Variants in FUT9 observed in about 807,000 individuals in gnomAD.
FUT9 encodes 4-galactosyl-N-acetylglucosaminide 3-alpha-L-fucosyltransferase 9.
A neutral mutation model predicts 29.7 loss-of-function variants in FUT9; 15 were observed. The observed-to-expected ratio is 0.51, with a 90% CI of 0.34 to 0.78. The LOEUF (loss-of-function observed/expected upper bound fraction) is 0.78. FUT9 is among the 30% of genes least tolerant of loss of function. The pLI, the probability that FUT9 is intolerant of heterozygous loss-of-function variation, is 0.01. For synonymous variants in FUT9, 169 were observed against 153.7 expected, an observed-to-expected ratio of 1.10 and a Z score of -0.74; for missense variants, 319 against 425.4, an observed-to-expected ratio of 0.75 and a Z score of 2.20.
chr6:96,126,234 G>T (rs1207480363), intron 2 of FUT9, among the ~76,000 whole-genome samples: 2 of 152,182 alleles, frequency 1.3e-5, no homozygotes, highest in African/African-American at 4.8e-5. Flanking sequence ...CATGGCACCA[G>T]TATCTGCTCA....
intron 1 of FUT9, among the ~76,000 whole-genome samples, chr6:96,076,825 G>A (rs1413956612): frequency 6.6e-6 from 1 of 152,106 alleles, no homozygotes; most frequent in African/African-American, 2.4e-5. Context: ...CTGCTCGGCT[G>A]CAAATGTTGT....
At chr6:96,034,122 C>A (rs916501590) in intron 1 of FUT9, among the ~76,000 whole-genome samples, 1 of 151,586 alleles carries the variant, frequency 6.6e-6, no homozygotes, top group African/African-American at 2.4e-5. Flanking sequence ...GTATTCTCTT[C>A]TTATTTCCAT....
chr6:96,178,015 A>C (rs900265240), intron 2 of FUT9, among the ~76,000 whole-genome samples: 3 of 152,148 alleles, frequency 2.0e-5, no homozygotes, highest in African/African-American at 7.2e-5. Flanking sequence ...TCTTAAAAGG[A>C]CTAAAAGAGC....
In FUT9 at chr6:96,027,551, C is replaced by G. The variant is rs146210075; in HGVS notation, c.-98+11339C>G. Among the ~76,000 whole-genome samples, 1,208 of 151,570 alleles carry G rather than the reference C, an allele frequency of 8.0e-3. 21 individuals are homozygous for G. The highest frequency in any genetic ancestry group is 0.028 in the African/African-American group (1,159 of 41,398). ...TGTTGTTATCGCCAGTGCTGCCAAC[C>G]CTGAAATCTGGTGTACTTCTCCCCT... On this transcript the variant is annotated intron_variant, in intron 1 of 2. Coordinates refer to ENST00000302103, the MANE Select transcript of FUT9 (RefSeq NM_006581.4).
At chr6:96,085,893 A>G (rs145490076) in intron 1 of FUT9, among the ~76,000 whole-genome samples, 69 of 152,294 alleles carry the variant, frequency 4.5e-4, no homozygotes, top group African/African-American at 1.6e-3. Flanking sequence ...CAGCTTTCCA[A>G]CTGACACAAA....
intron 2 of FUT9, among the ~76,000 whole-genome samples, chr6:96,125,130 G>C (rs1014692127): frequency 6.6e-6 from 1 of 152,158 alleles, no homozygotes; most frequent in Non-Finnish European, 1.5e-5. Flanking sequence ...TACATGGGAT[G>C]GTAATGATGA....
rs188841972 is a variant in FUT9 at position 96,062,611 on chromosome 6, T to G, written c.-98+46399T>G. 3.0e-3 allele frequency among the ~76,000 whole-genome samples: 456 copies of G among 152,142 alleles called. 1 individual carries two copies. The highest frequency in any genetic ancestry group is 0.01 in the African/African-American group (426 of 41,520). On this transcript the variant is annotated intron_variant, in intron 1 of 2. Transcript: ENST00000302103. ...GATAGATAAATAGATATATAGATAA[T>G]AGGAAGGGAGGGAGGATAGGATGGA...
intron 2 of FUT9, among the ~76,000 whole-genome samples, chr6:96,197,417 A>G (rs73757750): frequency 0.027 from 3,850 of 143,194 alleles, 164 homozygotes; most frequent in African/African-American, 0.092. Context: ...ATAGCATTCC[A>G]GAGATCAACC....
chr6:96,053,582 A>G (rs7774040), intron 1 of FUT9, among the ~76,000 whole-genome samples: 87,255 of 151,170 alleles, frequency 0.58, 25,270 homozygotes, highest in South Asian at 0.63. Context: ...GGTGGCAAGC[A>G]CCTATAGTCC....
chr6:96,086,189 C>T (rs1342809404), intron 1 of FUT9, among the ~76,000 whole-genome samples: 1 of 152,184 alleles, frequency 6.6e-6, no homozygotes, highest in African/African-American at 2.4e-5. Context: ...ATAAATGTAC[C>T]TGTCTACACA....
chr6:96,066,734 A>G (rs928258881), intron 1 of FUT9, among the ~76,000 whole-genome samples: 18 of 152,112 alleles, frequency 1.2e-4, no homozygotes, highest in African/African-American at 3.6e-4. Flanking sequence ...TCATACAAAT[A>G]TATGTACTTT....
In FUT9 at chr6:96,126,258, T is replaced by C. The variant is rs148512692; in HGVS notation, c.-9+12131T>C. On this transcript the variant is annotated intron_variant, in intron 2 of 2. Transcript: ENST00000302103. The stretch of plus-strand genomic sequence containing the variant: ...AGTATCTGCTCAGCTTCTGGTGAGG[T>C]CTCAGGAAGCTTTTATTCATGGAGG... Among the ~76,000 whole-genome samples the C allele has an allele frequency of 9.5e-4, 144 of 152,184 alleles. 1 individual carries two copies. The highest frequency in any genetic ancestry group is 3.4e-3 in the African/African-American group (141 of 41,522).
intron 2 of FUT9, among the ~76,000 whole-genome samples, chr6:96,159,782 T>C (rs1772863091): frequency 1.3e-5 from 2 of 152,172 alleles, no homozygotes. Flanking sequence ...ATATGTCTCA[T>C]ATCAACAGGA....
chr6:96,155,152 T>A (rs1449023594), intron 2 of FUT9, among the ~76,000 whole-genome samples: 7 of 152,218 alleles, frequency 4.6e-5, no homozygotes, highest in Non-Finnish European at 1.0e-4. Flanking sequence ...TTTTTTTGAA[T>A]GCTCTTAGCA....
At chr6:96,107,655 T>C (rs1360997579) in intron 1 of FUT9, among the ~76,000 whole-genome samples, 1 of 152,188 alleles carries the variant, frequency 6.6e-6, no homozygotes, top group Non-Finnish European at 1.5e-5. Context: ...TACTAATCTG[T>C]ATTCCAAGCA....
intron 2 of FUT9, among the ~76,000 whole-genome samples, chr6:96,132,617 A>G (rs1443156402): frequency 6.6e-6 from 1 of 152,108 alleles, no homozygotes; most frequent in East Asian, 1.9e-4. Context: ...ACTAAGCTAC[A>G]TACATTTTGC....
chr6:96,028,249 C>T (rs139102974), intron 1 of FUT9, among the ~76,000 whole-genome samples: 1 of 151,422 alleles, frequency 6.6e-6, no homozygotes, highest in African/African-American at 2.4e-5. Flanking sequence ...GGAAACACTG[C>T]GTTACATGGA....
chr6:96,084,640 G>A (rs953266075), intron 1 of FUT9, among the ~76,000 whole-genome samples: 1 of 151,958 alleles, frequency 6.6e-6, no homozygotes. Flanking sequence ...TAGACTAAGG[G>A]GACTAGCTGT....
At chr6:96,091,913 A>G (rs535743316) in intron 1 of FUT9, among the ~76,000 whole-genome samples, 1 of 152,276 alleles carries the variant, frequency 6.6e-6, no homozygotes, top group South Asian at 2.1e-4. Flanking sequence ...TTTCCATACT[A>G]ATTTTATAAT....
Sources: gnomAD v4.1 joint callset for allele counts (sites outside exome capture counted in the v4.1 genomes callset) on GRCh38, gnomAD v4.1.1 for gene constraint, MANE v1.5 for transcripts, NCBI Gene and HGNC (gene_info 2026-07-23, HGNC 2026-07-21) for gene names.